Variants in GRID2 observed in about 807,000 individuals in gnomAD.
GRID2 encodes the protein glutamate receptor ionotropic, delta-2.
GRID2 carries 33 observed loss-of-function variants against 114.8 expected under a neutral mutation model. The ratio of observed to expected loss-of-function variants is 0.29; its 90% CI spans 0.22 to 0.38. The LOEUF is 0.38. Ranked by LOEUF, GRID2 falls within the 10% of genes least tolerant of loss-of-function variation. The pLI, the probability that GRID2 is intolerant of heterozygous loss-of-function variation, is 1.00. For missense variants in GRID2, 1,184 were observed against 1,257.7 expected, an observed-to-expected ratio of 0.94 and a Z score of 0.89; for synonymous variants, 505 against 449.9, an observed-to-expected ratio of 1.12 and a Z score of -1.55.
intron 1 of GRID2, among the ~76,000 whole-genome samples, chr4:92,582,148 A>C (rs527965733): frequency 6.6e-6 from 1 of 152,122 alleles, no homozygotes; most frequent in East Asian, 1.9e-4. Context: ...TATAGACCTA[A>C]GTAAATTATC....
intron 2 of GRID2, among the ~76,000 whole-genome samples, chr4:92,960,030 AAAAG>A (rs1752696731): frequency 6.6e-6 from 1 of 151,968 alleles, no homozygotes; most frequent in Non-Finnish European, 1.5e-5. Flanking sequence ...AGAAGAGAAA[AAAAG>A]GGGTGTATTT....
At chr4:92,952,366 G>A (rs921620270) in intron 2 of GRID2, among the ~76,000 whole-genome samples, 13 of 152,074 alleles carry the variant, frequency 8.5e-5, no homozygotes, top group Non-Finnish European at 1.5e-4. Flanking sequence ...TTTATTCATT[G>A]AGGATAATAG....
At chr4:92,872,159 C>A (rs1294726655) in intron 2 of GRID2, among the ~76,000 whole-genome samples, 1 of 151,976 alleles carries the variant, frequency 6.6e-6, no homozygotes. Context: ...TGTTTCATAT[C>A]ATAATTATGT....
At chr4:92,863,252 T>C (rs2149437390) in intron 2 of GRID2, among the ~76,000 whole-genome samples, 1 of 152,230 alleles carries the variant, frequency 6.6e-6, no homozygotes, top group Admixed American at 6.5e-5. Flanking sequence ...CATAGTGAGT[T>C]AATTGCCTTT....
At chr4:93,318,168 G>A (rs1756880712) in intron 8 of GRID2, among the ~76,000 whole-genome samples, 2 of 151,184 alleles carry the variant, frequency 1.3e-5, no homozygotes, top group South Asian at 2.1e-4. Flanking sequence ...TGACTCAAGT[G>A]ATTTAAATGA....
chr4:93,707,060 G>C (rs1192870482), intron 14 of GRID2, among the ~76,000 whole-genome samples: 1 of 152,000 alleles, frequency 6.6e-6, no homozygotes, highest in East Asian at 1.9e-4. Context: ...TATCCCACTT[G>C]GTCATGATGA....
chr4:92,441,518 C>T (rs939155309), intron 1 of GRID2, among the ~76,000 whole-genome samples: 1 of 151,976 alleles, frequency 6.6e-6, no homozygotes, highest in African/African-American at 2.4e-5. Context: ...GGTTTGGCAC[C>T]ACGGGGTGGA....
At chr4:92,381,868 AC>A (rs1729636256) in intron 1 of GRID2, among the ~76,000 whole-genome samples, 1 of 152,014 alleles carries the variant, frequency 6.6e-6, no homozygotes, top group Admixed American at 6.6e-5. Flanking sequence ...TTAGCATCCC[AC>A]TTCATTTCAT....
intron 1 of GRID2, among the ~76,000 whole-genome samples, chr4:92,570,010 G>GT (rs1727531893): frequency 1.3e-5 from 2 of 151,992 alleles, no homozygotes; most frequent in Middle Eastern, 3.4e-3. Context: ...AACTTTTGAT[G>GT]TTTTTTCATG....
intron 12 of GRID2, among the ~76,000 whole-genome samples, chr4:93,492,251 GA>G (rs1404749388): frequency 6.6e-6 from 1 of 151,872 alleles, no homozygotes; most frequent in Non-Finnish European, 1.5e-5. Context: ...CAGATTTTGT[GA>G]TGCATTAGCT....
chr4:92,614,764 A>G (rs75815249), intron 2 of GRID2, among the ~76,000 whole-genome samples: 7,131 of 151,580 alleles, frequency 0.047, 208 homozygotes, highest in East Asian at 0.095. Context: ...CTGATTTCTT[A>G]CCTATTAATA....
At chr4:92,950,214 A>G (rs1429798002) in intron 2 of GRID2, among the ~76,000 whole-genome samples, 1 of 152,120 alleles carries the variant, frequency 6.6e-6, no homozygotes, top group Non-Finnish European at 1.5e-5. Context: ...GTCCTCCAGC[A>G]TTCAAACACC....
intron 2 of GRID2, among the ~76,000 whole-genome samples, chr4:92,947,365 A>G (rs148841533): frequency 6.6e-6 from 1 of 152,032 alleles, no homozygotes; most frequent in Non-Finnish European, 1.5e-5. Context: ...TGTTTAACAA[A>G]ATAATGCAGT....
intron 4 of GRID2, among the ~76,000 whole-genome samples, chr4:93,136,475 G>T (rs1735262189): frequency 6.6e-6 from 1 of 152,080 alleles, no homozygotes; most frequent in African/African-American, 2.4e-5. Context: ...GAAGATCAAT[G>T]AGATGAAAAT....
intron 2 of GRID2, chr4:92,884,942 AAAAAATCGCATCTAAAAGGC>A (rs1746268445): frequency 3.0e-6 from 1 of 334,028 alleles, no homozygotes; most frequent in Non-Finnish European, 6.1e-6. Flanking sequence ...CCCCAAAAAA[AAAAAATCGCATCTAAAAGGC>A]AAAGTGTTTT....
intron 2 of GRID2, among the ~76,000 whole-genome samples, chr4:92,719,865 T>A (rs1735730814): frequency 6.6e-6 from 1 of 152,120 alleles, no homozygotes; most frequent in Non-Finnish European, 1.5e-5. Context: ...AGTAGCATAT[T>A]TTCCTCTAAG....
chr4:93,533,216 A>G lies in GRID2; in HGVS notation c.2193+17805A>G, dbSNP rs140718235. Among the ~76,000 whole-genome samples, 1,219 of 151,748 alleles carry G rather than the reference A, an allele frequency of 8.0e-3. 12 individuals carry two copies. The highest frequency in any genetic ancestry group is 0.027 in the African/African-American group (1,135 of 41,334). Reference sequence around the variant, plus strand: ...TCTTACACCTCATGTCTAATTCATCAGTAAATCTTGTAGGGCCCTTTCTTT... The same window carrying G: ...TCTTACACCTCATGTCTAATTCATCGGTAAATCTTGTAGGGCCCTTTCTTT... On this transcript the variant is annotated intron_variant, in intron 13 of 15. Coordinates refer to ENST00000282020, the MANE Select transcript of GRID2 (RefSeq NM_001510.4).
At chr4:92,991,351 T>C (rs781156988) in intron 2 of GRID2, among the ~76,000 whole-genome samples, 23 of 152,202 alleles carry the variant, frequency 1.5e-4, no homozygotes, top group Non-Finnish European at 2.9e-4. Flanking sequence ...GTCTTTGTTT[T>C]TGAATCTCAG....
chr4:92,591,560 G>C (rs1325269519), intron 2 of GRID2, among the ~76,000 whole-genome samples: 2 of 152,128 alleles, frequency 1.3e-5, no homozygotes, highest in Non-Finnish European at 1.5e-5. Flanking sequence ...AAGTTGGGCA[G>C]GATTTTTTTT....
Sources: allele counts gnomAD v4.1 joint callset (sites outside exome capture counted in the v4.1 genomes callset), GRCh38; gene constraint gnomAD v4.1.1; transcripts MANE v1.5; gene names NCBI Gene and HGNC (gene_info 2026-07-23, HGNC 2026-07-21).